Variants in MORN3 observed in about 807,000 individuals in gnomAD.
The protein encoded by MORN3 is MORN repeat-containing protein 3.
In MORN3, 38 loss-of-function variants were observed where a neutral mutation model predicts 34.7. That is an observed-to-expected ratio of 1.10 (90% CI 0.85 to 1.44). The LOEUF is 1.44. Ranked by LOEUF, MORN3 falls within the 40% of genes most tolerant of loss-of-function variation. The probability of loss-of-function intolerance (pLI) is 0.00; values close to 1 mark genes in which losing one functional copy is unlikely to be tolerated. For synonymous variants in MORN3, 109 were observed against 115.3 expected, an observed-to-expected ratio of 0.95 and a Z score of 0.35; for missense variants, 311 against 321.7, an observed-to-expected ratio of 0.97 and a Z score of 0.25.
At chr12:121,671,145 C>T (rs1470732085), upstream of MORN3, among the ~76,000 whole-genome samples, 6 of 145,548 alleles carry the variant, frequency 4.1e-5, no homozygotes, top group Non-Finnish European at 9.0e-5. Flanking sequence ...CGGTGGCTCA[C>T]GCCTGTAATC....
rs2136861520 is a variant in MORN3, at chr12:121,649,320, C to T, written c.*2331G>A. ...AAGAACAGCTAGACCTAAGTTTAAGCACAGTACTAGCTTGATGACTTGTGA... is the reference window on the plus strand; with the variant it reads ...AAGAACAGCTAGACCTAAGTTTAAGTACAGTACTAGCTTGATGACTTGTGA... On this transcript the variant is annotated 3_prime_UTR_variant, in exon 6 of 6. Coordinates refer to ENST00000355329, the MANE Select transcript of MORN3 (RefSeq NM_173855.5). 6.6e-6 allele frequency: 1 copy of T among 152,274 alleles called. No homozygotes were observed. The highest frequency in any genetic ancestry group is 1.9e-4 in the East Asian group (1 of 5,182). The allele number at this position is 152,274 out of a possible 1,614,324, so 9.4% of individuals were successfully genotyped here. A position where few individuals can be genotyped will look rare whatever the true frequency, so the allele number is the denominator to read the frequency against.
upstream of MORN3, chr12:121,669,662 G>T: frequency 1.2e-6 from 1 of 826,222 alleles, no homozygotes; most frequent in Non-Finnish European, 1.8e-6. Context: ...ACTGACCTTT[G>T]GTTGGCCCCT....
At chr12:121,657,622 C>T (rs1893449874) in intron 2 of MORN3, among the ~76,000 whole-genome samples, 1 of 152,044 alleles carries the variant, frequency 6.6e-6, no homozygotes, top group Non-Finnish European at 1.5e-5. Flanking sequence ...AATCTTAGCA[C>T]TTTGGGAGGC....
chr12:121,652,390 C>T (rs781869366), intron 5 of MORN3, among the ~76,000 whole-genome samples: 4 of 152,086 alleles, frequency 2.6e-5, no homozygotes. Context: ...CCTGCCACCA[C>T]ACCTGGCTAA....
intron 1 of MORN3, among the ~76,000 whole-genome samples, chr12:121,666,802 A>G (rs1044286395): frequency 6.6e-6 from 1 of 151,990 alleles, no homozygotes; most frequent in Non-Finnish European, 1.5e-5. Flanking sequence ...ACAACTAAAT[A>G]GCCAGCATGG....
intron 2 of MORN3, among the ~76,000 whole-genome samples, chr12:121,657,129 G>A (rs1377184216): frequency 3.3e-5 from 5 of 152,148 alleles, no homozygotes; most frequent in African/African-American, 1.2e-4. Context: ...GGCTTAAGCT[G>A]AACTAACTTT....
chr12:121,659,343 C>G lies in MORN3; in HGVS notation c.151G>C (p.Gly51Arg). ...EWKDNVKHGK[G>R]TQVWKKKGAI... ...CCTTTCTTCTTCCAGACCTGTGTTC[C>G]TTTCCCTGGTGACACACAGATGGGC... The change falls in exon 2 of 6, where the codon GGA becomes CGA. Residue 51 changes from glycine (G) to arginine (R), a missense_variant. Transcript: ENST00000355329. 3 of 1,613,732 alleles carry G rather than the reference C, an allele frequency of 1.9e-6. No homozygotes were observed. The highest frequency in any genetic ancestry group is 1.3e-5 in the African/African-American group (1 of 74,962).
At chr12:121,658,532 C>G (rs1236736846) in intron 2 of MORN3, among the ~76,000 whole-genome samples, 1 of 142,738 alleles carries the variant, frequency 7.0e-6, no homozygotes, top group Admixed American at 7.3e-5. Context: ...CGCCACTGCA[C>G]TCCAGCCTGG....
chr12:121,660,316 C>G (rs185108268), intron 1 of MORN3, among the ~76,000 whole-genome samples: 10 of 151,148 alleles, frequency 6.6e-5, no homozygotes, highest in African/African-American at 2.4e-4. Context: ...CTAATACCTG[C>G]TAATTTACTG....
At chr12:121,663,584 C>T (rs966610449) in intron 1 of MORN3, among the ~76,000 whole-genome samples, 1 of 151,844 alleles carries the variant, frequency 6.6e-6, no homozygotes, top group African/African-American at 2.4e-5. Context: ...GCAATAAAGC[C>T]GAGGGAGAAA....
chr12:121,652,984 G>A (rs1465101615), intron 4 of MORN3, 91 bp downstream of exon 4: 1 of 1,473,962 alleles, frequency 6.8e-7, no homozygotes, highest in Non-Finnish European at 9.2e-7. Flanking sequence ...GGCTTGGCTG[G>A]GCCTGGCAGA....
Position 121,653,276 on chromosome 12 carries a change from G to C in MORN3, c.464-17C>G, listed in dbSNP as rs1555325314. The C allele has an allele frequency of 6.2e-7, 1 of 1,611,658 alleles. No individual in the cohort carries two copies. Among genetic ancestry groups the C allele is most frequent in the South Asian group, 1.1e-5 (1 of 90,830 alleles). On this transcript the variant is annotated splice_polypyrimidine_tract_variant and intron_variant, in intron 3 of 5. Coordinates refer to ENST00000355329, the MANE Select transcript of MORN3 (RefSeq NM_173855.5). ...TCCCGTTCTCTGGGGGAAAGGACAG[G>C]GAGGTGTGGTGCAGGGTACACCAAA...
chr12:121,670,430 G>A (rs1263164986), upstream of MORN3, among the ~76,000 whole-genome samples: 7 of 151,894 alleles, frequency 4.6e-5, no homozygotes, highest in Admixed American at 3.3e-4. Flanking sequence ...GCCGCTGCAC[G>A]CCAGCTTGGA....
chr12:121,654,744 C>G (rs1264451756), intron 2 of MORN3, among the ~76,000 whole-genome samples: 1 of 151,684 alleles, frequency 6.6e-6, no homozygotes, highest in Non-Finnish European at 1.5e-5. Flanking sequence ...ATTACAAACA[C>G]GCATCACCAC....
Position 121,669,488 on chromosome 12 carries a change from G to C in MORN3, c.-5C>G, listed in dbSNP as rs1324439319. Reference sequence around the variant, plus strand: ...TGGGCACTTAGAGACTGGCATGGTGGCTGCTTCTGCAAGGCTGGAGGGTGC... The same window carrying C: ...TGGGCACTTAGAGACTGGCATGGTGCCTGCTTCTGCAAGGCTGGAGGGTGC... On this transcript the variant is annotated 5_prime_UTR_variant, in exon 1 of 6. Transcript: ENST00000355329. 3 of 1,612,990 alleles carry C rather than the reference G, an allele frequency of 1.9e-6. No homozygotes were observed. Among genetic ancestry groups the C allele is most frequent in the African/African-American group, 1.3e-5 (1 of 75,008 alleles).
At chr12:121,663,362 C>T (rs372740054) in intron 1 of MORN3, among the ~76,000 whole-genome samples, 39 of 152,118 alleles carry the variant, frequency 2.6e-4, no homozygotes, top group South Asian at 8.3e-4. Context: ...CCACGTTTGG[C>T]TAATTTTGTA....
At chr12:121,655,826 C>T (rs930073937) in intron 2 of MORN3, among the ~76,000 whole-genome samples, 3 of 151,738 alleles carry the variant, frequency 2.0e-5, no homozygotes, top group Non-Finnish European at 2.9e-5. Flanking sequence ...GTCAGGAGAT[C>T]GAGACCATCC....
chr12:121,672,294 T>C (rs1325173987), upstream of MORN3, among the ~76,000 whole-genome samples: 3 of 142,344 alleles, frequency 2.1e-5, no homozygotes, highest in Non-Finnish European at 4.6e-5. Flanking sequence ...ACCTTATCTC[T>C]ACAAAAAAAA....
chr12:121,654,414 A>G lies in MORN3; in HGVS notation c.323T>C (p.Phe108Ser). 6.3e-7 allele frequency: 1 copy of G among 1,595,030 alleles called. No individual in the cohort carries two copies. The highest frequency in any genetic ancestry group is 8.5e-7 in the Non-Finnish European group (1 of 1,170,856). The change falls in exon 3 of 6, where the codon TTC becomes TCC. Residue 108 changes from phenylalanine to serine, a missense_variant. Phe to Ser is a radical substitution (Grantham distance 155). Coordinates refer to ENST00000355329, the MANE Select transcript of MORN3 (RefSeq NM_173855.5). ...ACCCTCATAATACTCCTTGGGTCCGAAAAACTGGATCCCATAACCCTGAAA... is the reference window on the plus strand; with the variant it reads ...ACCCTCATAATACTCCTTGGGTCCGGAAAACTGGATCCCATAACCCTGAAA... The part of the protein sequence containing the change: ...DKKSGYGIQF[F>S]GPKEYYEGDW...
Sources: allele counts gnomAD v4.1 joint callset (sites outside exome capture counted in the v4.1 genomes callset), GRCh38; gene constraint gnomAD v4.1.1; transcripts MANE v1.5; gene names NCBI Gene and HGNC (gene_info 2026-07-23, HGNC 2026-07-21).